The following SCN9A variants were observed in gnomAD, a reference collection of about 807,000 sequenced individuals.
SCN9A encodes the protein sodium channel protein type 9 subunit alpha.
Under a neutral mutation model 187.0 loss-of-function variants are expected in SCN9A, and 131 were observed. The ratio of observed to expected loss-of-function variants is 0.70; its 90% CI spans 0.61 to 0.81. The LOEUF is 0.81. SCN9A is among the 30% of genes least tolerant of loss of function. The probability of loss-of-function intolerance (pLI) is 0.00; values close to 1 mark genes in which losing one functional copy is unlikely to be tolerated. For missense variants in SCN9A, 2,252 were observed against 2,396.6 expected (o/e 0.94, Z 1.26); for synonymous variants, 809 against 808.6 (o/e 1.00, Z -0.01).
intron 7 of SCN9A, chr2:166,295,953 TA>T (rs1698282662): frequency 1.3e-5 from 2 of 152,198 alleles, no homozygotes; most frequent in Admixed American, 1.3e-4. Flanking sequence ...TTTAAATGAC[TA>T]AAAAACCTTT....
At chr2:166,331,536 G>A (rs1048149322) in intron 1 of SCN9A, among the ~76,000 whole-genome samples, 3 of 152,158 alleles carry the variant, frequency 2.0e-5, no homozygotes, top group Non-Finnish European at 2.9e-5. Context: ...TGTATGAAGA[G>A]TTTGTTATCT....
chr2:166,374,521 A>G (rs1700643271), intron 1 of SCN9A, among the ~76,000 whole-genome samples: 1 of 152,170 alleles, frequency 6.6e-6, no homozygotes. Context: ...AAAATTATAA[A>G]CTTTTTTAAA....
intron 1 of SCN9A, among the ~76,000 whole-genome samples, chr2:166,360,863 C>T (rs534409097): frequency 1.4e-4 from 21 of 152,200 alleles, no homozygotes; most frequent in South Asian, 2.1e-4. Context: ...CAAAACCTTA[C>T]GAAAATCTTA....
chr2:166,288,356 G>T, intron 10 of SCN9A, 81 bp downstream of exon 10: 3 of 1,069,996 alleles, frequency 2.8e-6, no homozygotes, highest in Non-Finnish European at 4.0e-6. Context: ...GCTGGAGAAG[G>T]CCAAGCATAT....
At chr2:166,309,469 T>A (rs1698870829) in intron 2 of SCN9A, among the ~76,000 whole-genome samples, 1 of 152,318 alleles carries the variant, frequency 6.6e-6, no homozygotes, top group South Asian at 2.1e-4. Flanking sequence ...ATGTATACTA[T>A]GTTATACTAA....
At chr2:166,250,476 A>G (rs1053248208) in intron 18 of SCN9A, among the ~76,000 whole-genome samples, 1 of 152,120 alleles carries the variant, frequency 6.6e-6, no homozygotes, top group Non-Finnish European at 1.5e-5. Context: ...CTGAAGAACA[A>G]GATTTTAAAT....
chr2:166,356,600 C>G lies in SCN9A; in HGVS notation c.-51+19097G>C, dbSNP rs1393425608. On this transcript the variant is annotated intron_variant, in intron 1 of 26. Transcript: ENST00000642356. ...AATTCTCTCACTCTTCAATGTTTCC[C>G]AGCCATCCAAATTCCTCCCCTGTGG... Among the ~76,000 whole-genome samples, 3 of 152,296 alleles carry G rather than the reference C, an allele frequency of 2.0e-5. No homozygotes were observed. The South Asian group carries it at 6.2e-4, about 32-fold the overall frequency.
At chr2:166,202,726 T>TATTTTTATTGCAATTGTGAATC (rs1391733393) in intron 26 of SCN9A, among the ~76,000 whole-genome samples, 1 of 151,812 alleles carries the variant, frequency 6.6e-6, no homozygotes, top group African/African-American at 2.4e-5. Context: ...TAATTTACTT[T>TATTTTTATTGCAATTGTGAATC]ATTTTTATTG....
intron 24 of SCN9A, among the ~76,000 whole-genome samples, chr2:166,215,060 GT>G (rs1694273257): frequency 6.6e-6 from 1 of 152,152 alleles, no homozygotes; most frequent in Admixed American, 6.5e-5. Context: ...CACCAAACAA[GT>G]TTTAACAAAT....
intron 1 of SCN9A, among the ~76,000 whole-genome samples, chr2:166,331,019 G>A (rs1458042926): frequency 6.6e-6 from 1 of 151,942 alleles, no homozygotes; most frequent in Non-Finnish European, 1.5e-5. Flanking sequence ...AAATACAAGG[G>A]CAAATTAGGC....
chr2:166,361,867 C>A (rs189054543), intron 1 of SCN9A, among the ~76,000 whole-genome samples: 1 of 151,990 alleles, frequency 6.6e-6, no homozygotes. Context: ...AGCGGATGCT[C>A]CAGAACTTAA....
chr2:166,228,212 A>G (rs1694921835), intron 22 of SCN9A, among the ~76,000 whole-genome samples: 1 of 132,764 alleles, frequency 7.5e-6, no homozygotes, highest in Non-Finnish European at 1.6e-5. Context: ...CATGCTTCTT[A>G]TTCATGTAGG....
intron 1 of SCN9A, among the ~76,000 whole-genome samples, chr2:166,350,402 C>T (rs1400312932): frequency 6.6e-6 from 1 of 152,164 alleles, no homozygotes; most frequent in Non-Finnish European, 1.5e-5. Context: ...CTCAGAAACA[C>T]AAAACACAAC....
intron 8 of SCN9A, 84 bp downstream of exon 8, chr2:166,294,515 T>G: frequency 1.1e-6 from 1 of 924,846 alleles, no homozygotes; most frequent in South Asian, 1.5e-5. Flanking sequence ...CAATATAGAA[T>G]CAAAGACTAA....
chr2:166,300,058 G>A (rs1698488450), intron 7 of SCN9A, among the ~76,000 whole-genome samples: 1 of 150,740 alleles, frequency 6.6e-6, no homozygotes, highest in African/African-American at 2.5e-5. Flanking sequence ...GCCTAGATGA[G>A]AGAAGCAACC....
chr2:166,316,501 T>C (rs941951625), intron 1 of SCN9A, among the ~76,000 whole-genome samples: 3 of 152,178 alleles, frequency 2.0e-5, no homozygotes, highest in African/African-American at 7.2e-5. Flanking sequence ...GAGACCAACC[T>C]GGCGAACACT....
At chr2:166,322,670 T>C (rs1424660168) in intron 1 of SCN9A, among the ~76,000 whole-genome samples, 1 of 152,148 alleles carries the variant, frequency 6.6e-6, no homozygotes, top group Non-Finnish European at 1.5e-5. Flanking sequence ...ATAATTAAAA[T>C]ATATTAATTA....
At chr2:166,270,880 A>G (rs533638968) in intron 17 of SCN9A, among the ~76,000 whole-genome samples, 3 of 151,944 alleles carry the variant, frequency 2.0e-5, no homozygotes, top group Non-Finnish European at 4.4e-5. Flanking sequence ...GATATTTGGT[A>G]AATATCTGTC....
chr2:166,292,791 G>T (rs1448729570), intron 9 of SCN9A, among the ~76,000 whole-genome samples: 1 of 152,134 alleles, frequency 6.6e-6, no homozygotes, highest in Non-Finnish European at 1.5e-5. Context: ...ATTTGGGAGA[G>T]AAAAACTTAG....
Sources: allele counts gnomAD v4.1 joint callset (sites outside exome capture counted in the v4.1 genomes callset), GRCh38; gene constraint gnomAD v4.1.1; transcripts MANE v1.5; gene names NCBI Gene and HGNC (gene_info 2026-07-23, HGNC 2026-07-21).